Variants in ZNF385C observed in about 807,000 individuals in gnomAD.
ZNF385C encodes the protein CTD-2132N18.2.
Under a neutral mutation model 35.4 loss-of-function variants are expected in ZNF385C, and 28 were observed. The observed-to-expected ratio is 0.79, with a 90% CI of 0.59 to 1.08. The LOEUF (loss-of-function observed/expected upper bound fraction) is 1.08, where lower values mean the gene tolerates loss of function less well. ZNF385C is among the 50% of genes least tolerant of loss of function. The pLI is 0.00. For missense variants in ZNF385C, 605 were observed against 595.6 expected (o/e 1.02, Z -0.16); for synonymous variants, 248 against 248.2 (o/e 1.00, Z 0.01).
chr17:42,082,379 G>A (rs2053758714), intron 1 of ZNF385C, among the ~76,000 whole-genome samples: 1 of 152,240 alleles, frequency 6.6e-6, no homozygotes, highest in Non-Finnish European at 1.5e-5. Context: ...TTCTGTTGAA[G>A]GAATACCAAA....
intron 2 of ZNF385C, chr17:42,043,355 G>T: frequency 8.1e-7 from 1 of 1,232,220 alleles, no homozygotes; most frequent in African/African-American, 1.5e-5. Context: ...TCTCCCGCTG[G>T]TTTCTTCCCT....
chr17:42,028,442 T>G, intron 6 of ZNF385C, 196 bp from the exon 7 acceptor site: 1 of 607,010 alleles, frequency 1.6e-6, no homozygotes, highest in Non-Finnish European at 2.8e-6. Context: ...GAAAGGCCTT[T>G]CTGCACTACA....
chr17:42,050,805 C>A lies in ZNF385C; in HGVS notation c.250+12002G>T, dbSNP rs1479466426. On this transcript the variant is annotated intron_variant, in intron 2 of 8. Coordinates refer to ENST00000692273, the MANE Select transcript of ZNF385C (RefSeq NM_001392013.1). The surrounding 1 kb of genome is among the most constrained non-coding windows in gnomAD (Gnocchi z 5.6). ...CCCCCAGCCCCTGCCGCCCCACGCG[C>A]GGCAGCAGGAGCCAGAGGCTAGACC... Among the ~76,000 whole-genome samples the A allele has an allele frequency of 2.0e-5, 3 of 151,672 alleles. No individual in the cohort carries two copies. Among genetic ancestry groups the A allele is most frequent in the African/African-American group, 7.2e-5 (3 of 41,398 alleles).
intron 3 of ZNF385C, among the ~76,000 whole-genome samples, chr17:42,035,529 G>A (rs1555655349): frequency 6.7e-6 from 1 of 150,270 alleles, no homozygotes; most frequent in East Asian, 2.0e-4. Context: ...CAGGGCCTGA[G>A]GCTGCTGACG....
At chr17:42,063,345 A>T (rs1474124271) in intron 1 of ZNF385C, among the ~76,000 whole-genome samples, 1 of 152,130 alleles carries the variant, frequency 6.6e-6, no homozygotes, top group Non-Finnish European at 1.5e-5. Flanking sequence ...CCTGACCAAC[A>T]TGGTGAAACC....
At chr17:42,062,653 C>T (rs1209383042) in intron 2 of ZNF385C, 154 bp downstream of exon 2, 2 of 403,934 alleles carry the variant, frequency 5.0e-6, no homozygotes, top group Non-Finnish European at 8.7e-6. Context: ...TTGCTGGCAT[C>T]GGGGAGGCTT....
At position 42,048,721 on chromosome 17, in the gene ZNF385C, C is replaced by A. The variant is rs558456569; in HGVS notation, c.251-10836G>T. ...TCTTGTTGATTCTTCCTCCAAAATC[C>A]ACTTCTAACTTGTCCCTTCTCTCCA... On this transcript the variant is annotated intron_variant, in intron 2 of 8. Coordinates refer to ENST00000692273, the MANE Select transcript of ZNF385C (RefSeq NM_001392013.1). Among the ~76,000 whole-genome samples the A allele has an allele frequency of 9.2e-5, 14 of 152,230 alleles. 1 individual carries two copies. Among genetic ancestry groups the A allele is most frequent in the Admixed American group, 9.2e-4 (14 of 15,288 alleles).
chr17:42,043,356 T>C, intron 2 of ZNF385C: 1 of 1,232,188 alleles, frequency 8.1e-7, no homozygotes, highest in Non-Finnish European at 1.0e-6. Context: ...CTCCCGCTGG[T>C]TTCTTCCCTG....
At chr17:42,042,911 T>G (rs782637661) in intron 2 of ZNF385C, 251 of 1,232,380 alleles carry the variant, frequency 2.0e-4, no homozygotes, top group Non-Finnish European at 2.5e-4. Context: ...AGGTTGAACC[T>G]CTGCAGCTCG....
At position 42,028,238 on chromosome 17, in the gene ZNF385C, G is replaced by T. The variant is rs782770089; in HGVS notation, c.976C>A (p.His326Asn). Residue 326 changes from histidine (H) to asparagine (N), a missense_variant, in exon 7 of 9, where the codon CAC (histidine) becomes AAC (asparagine). Coordinates refer to ENST00000692273, the MANE Select transcript of ZNF385C (RefSeq NM_001392013.1). The part of the protein sequence containing the change: ...QLQAHNTGAK[H>N]RWMMEGQRGA... ...CGCTGACCTTCCATCATCCACCGGT[G>T]CTTGGCTCCTGGAGAGGGAAGAAGG... The T allele has an allele frequency of 3.9e-6, 6 of 1,533,198 alleles. No individual in the cohort carries two copies. In the South Asian group the frequency reaches 6.4e-5, roughly 16 times the overall value. 95.0% of individuals were successfully genotyped at this position (1,533,198 alleles called of 1,614,324 possible). A position where few individuals can be genotyped will look rare whatever the true frequency, so the allele number is the denominator to read the frequency against.
intron 2 of ZNF385C, among the ~76,000 whole-genome samples, chr17:42,059,225 C>T (rs533537597): frequency 1.6e-4 from 24 of 152,350 alleles, no homozygotes; most frequent in African/African-American, 5.5e-4. Flanking sequence ...GTGCTGGTCA[C>T]TCCTCCTAGG....
chr17:42,043,268 C>A (rs1429000211), intron 2 of ZNF385C: 54 of 1,232,144 alleles, frequency 4.4e-5, no homozygotes, highest in Non-Finnish European at 5.4e-5. Flanking sequence ...CGCTCATAGT[C>A]AAAGTCCAGC....
chr17:42,028,534 TC>T (rs2052650521), intron 6 of ZNF385C: 2 of 600,208 alleles, frequency 3.3e-6, no homozygotes, highest in South Asian at 4.5e-5. Context: ...GTCTCCTGTC[TC>T]CTGTGGAGTG....
chr17:42,027,560 C>T, intron 8 of ZNF385C, 58 bp downstream of exon 8: 1 of 621,666 alleles, frequency 1.6e-6, no homozygotes, highest in Non-Finnish European at 2.8e-6. Flanking sequence ...TCTGGCCCTC[C>T]CAGCCCACCC....
chr17:42,076,135 C>G (rs1205732632), intron 1 of ZNF385C, among the ~76,000 whole-genome samples: 1 of 152,152 alleles, frequency 6.6e-6, no homozygotes, highest in Non-Finnish European at 1.5e-5. Flanking sequence ...TTAGTGCCAC[C>G]CACAAAGACG....
intron 1 of ZNF385C, among the ~76,000 whole-genome samples, chr17:42,083,705 G>GTTTTTTTT (rs1360873738): frequency 6.9e-5 from 4 of 58,306 alleles, no homozygotes; most frequent in Non-Finnish European, 1.0e-4. Flanking sequence ...TGCTTTTCAA[G>GTTTTTTTT]TCTTTTTTTT....
intron 2 of ZNF385C, among the ~76,000 whole-genome samples, chr17:42,048,546 C>G (rs1390099761): frequency 3.9e-5 from 6 of 152,064 alleles, no homozygotes; most frequent in Non-Finnish European, 8.8e-5. Flanking sequence ...GACCCTGTCT[C>G]TAAAAACAAA....
At chr17:42,044,734 A>T in intron 2 of ZNF385C, among the ~76,000 whole-genome samples, 1 of 152,190 alleles carries the variant, frequency 6.6e-6, no homozygotes, top group East Asian at 1.9e-4. Flanking sequence ...ACACACTCAC[A>T]CTCATACCCA....
chr17:42,053,956 G>A (rs1338097318), intron 2 of ZNF385C, among the ~76,000 whole-genome samples: 1 of 152,164 alleles, frequency 6.6e-6, no homozygotes, highest in Non-Finnish European at 1.5e-5. Context: ...AGGGGAGGGC[G>A]CGAGGGAGGG....
Sources: gnomAD v4.1 joint callset for allele counts (sites outside exome capture counted in the v4.1 genomes callset) on GRCh38, gnomAD v4.1.1 for gene constraint, Gnocchi (gnomAD v3.1) non-coding constraint, MANE v1.5 for transcripts, NCBI Gene and HGNC (gene_info 2026-07-23, HGNC 2026-07-21) for gene names.